TRAPPC8: variants seen among roughly 807,000 people sequenced by gnomAD.
The protein encoded by TRAPPC8 is trafficking protein particle complex subunit 8, also known as general sporulation gene 1 homolog.
In TRAPPC8, 54 loss-of-function variants were observed where a neutral mutation model predicts 174.3. The ratio of observed to expected loss-of-function variants is 0.31; its 90% CI spans 0.25 to 0.39. The LOEUF is 0.39. Ranked by LOEUF, TRAPPC8 falls within the 10% of genes least tolerant of loss-of-function variation. The probability of loss-of-function intolerance (pLI) is 1.00; values close to 1 mark genes in which losing one functional copy is unlikely to be tolerated. For missense variants in TRAPPC8, 1,531 were observed against 1,699.1 expected (o/e 0.90, Z 1.74); for synonymous variants, 630 against 579.9 (o/e 1.09, Z -1.24).
chr18:31,913,427 T>C lies in TRAPPC8; in HGVS notation c.713A>G (p.Asp238Gly). The C allele has an allele frequency of 1.2e-6, 2 of 1,611,184 alleles. No homozygotes were observed. Among genetic ancestry groups the C allele is most frequent in the Non-Finnish European group, 1.7e-6 (2 of 1,179,256 alleles). ...INSRTSNRAS[D>G]EQIPDPWSQY... ...ACTCCAAGGATCTGGTATCTGTTCATCTGATGCTCGATTAGATGTTCGAGA... is the reference window on the plus strand; with the variant it reads ...ACTCCAAGGATCTGGTATCTGTTCACCTGATGCTCGATTAGATGTTCGAGA... The change falls in exon 5 of 29, where the codon GAT (aspartate) becomes GGT (glycine). Residue 238 changes from aspartate (D) to glycine (G), a missense_variant. Asp to Gly is a moderately conservative substitution (Grantham distance 94, BLOSUM62 -1). Coordinates refer to ENST00000283351, the MANE Select transcript of TRAPPC8 (RefSeq NM_014939.5).
intron 11 of TRAPPC8, among the ~76,000 whole-genome samples, chr18:31,894,090 G>A (rs1481506890): frequency 1.3e-5 from 2 of 152,170 alleles, no homozygotes; most frequent in African/African-American, 4.8e-5. Context: ...GGAAGTCCAT[G>A]GCCTTCCATG....
chr18:31,898,295 G>C (rs1050933233), intron 10 of TRAPPC8, among the ~76,000 whole-genome samples: 14 of 151,784 alleles, frequency 9.2e-5, no homozygotes, highest in Admixed American at 5.9e-4. Context: ...CAGATACATA[G>C]GGCTGACTGT....
chr18:31,913,588 T>A, intron 4 of TRAPPC8, 66 bp from the exon 5 acceptor site: 1 of 1,225,430 alleles, frequency 8.2e-7, no homozygotes, highest in Non-Finnish European at 1.1e-6. Flanking sequence ...TAATAGAGAC[T>A]AAAGTAGTAC....
At chr18:31,865,522 A>C (rs2145162961) in intron 18 of TRAPPC8, among the ~76,000 whole-genome samples, 1 of 152,138 alleles carries the variant, frequency 6.6e-6, no homozygotes, top group Admixed American at 6.5e-5. Context: ...CATAATAATG[A>C]GCTATACTAA....
At chr18:31,858,057 AC>A in intron 19 of TRAPPC8, 75 bp from the exon 20 acceptor site, 2 of 1,187,310 alleles carry the variant, frequency 1.7e-6, no homozygotes, top group Non-Finnish European at 2.3e-6. Context: ...ACTTTAAGAC[AC>A]TTTTTTTTTT....
At chr18:31,867,352 T>C in intron 17 of TRAPPC8, 50 bp downstream of exon 17, 1 of 1,291,314 alleles carries the variant, frequency 7.7e-7, no homozygotes, top group Admixed American at 2.1e-5. Context: ...AAATTTGTTT[T>C]CACCTTACTT....
At chr18:31,913,679 T>C (rs2037012532) in intron 4 of TRAPPC8, among the ~76,000 whole-genome samples, 157 bp from the exon 5 acceptor site, 1 of 152,182 alleles carries the variant, frequency 6.6e-6, no homozygotes, top group Non-Finnish European at 1.5e-5. Flanking sequence ...ATTATCCTTC[T>C]AGAAAATTAG....
chr18:31,929,131 G>A (rs567146550), intron 2 of TRAPPC8, among the ~76,000 whole-genome samples: 4 of 151,212 alleles, frequency 2.6e-5, no homozygotes, highest in Middle Eastern at 3.4e-3. Flanking sequence ...TCAGTGAGCC[G>A]AGATCATGCC....
chr18:31,846,600 A>G, intron 26 of TRAPPC8, 116 bp downstream of exon 26: 1 of 835,186 alleles, frequency 1.2e-6, no homozygotes, highest in Non-Finnish European at 1.9e-6. Context: ...AAAAACCAAA[A>G]AACAAAACCT....
At chr18:31,889,608 T>G (rs2035869737) in intron 12 of TRAPPC8, among the ~76,000 whole-genome samples, 1 of 147,110 alleles carries the variant, frequency 6.8e-6, no homozygotes, top group Non-Finnish European at 1.5e-5. Context: ...CCATGAAAAG[T>G]AGTAATAGTT....
chr18:31,866,765 G>C, intron 18 of TRAPPC8, 84 bp downstream of exon 18: 1 of 1,488,376 alleles, frequency 6.7e-7, no homozygotes, highest in Non-Finnish European at 9.0e-7. Flanking sequence ...AACCTATTTA[G>C]AAAATACATC....
At chr18:31,874,178 A>G in intron 13 of TRAPPC8, 1 of 414,966 alleles carries the variant, frequency 2.4e-6, no homozygotes. Flanking sequence ...ATCAGTTGTG[A>G]GTCTATAAAA....
At chr18:31,904,527 T>G (rs1346127859) in intron 9 of TRAPPC8, among the ~76,000 whole-genome samples, 2 of 152,166 alleles carry the variant, frequency 1.3e-5, no homozygotes, top group African/African-American at 4.8e-5. Flanking sequence ...CAACATTTTT[T>G]AAAATAGAAG....
intron 2 of TRAPPC8, among the ~76,000 whole-genome samples, chr18:31,921,391 A>AT (rs2145570511): frequency 6.6e-6 from 1 of 152,262 alleles, no homozygotes; most frequent in East Asian, 1.9e-4. Flanking sequence ...AGGCAGGCGG[A>AT]TTACCTGAGG....
Position 31,880,093 on chromosome 18 carries a change from AT to A in TRAPPC8, c.1729-5390del, listed in dbSNP as rs60646926. The stretch of plus-strand genomic sequence containing the variant: ...TACTGAAACTATTGAAAAAAAAAAT[AT>A]ATATATATATATATATATATATATA... On this transcript the variant is annotated intron_variant, in intron 12 of 28. Transcript: ENST00000283351. Among the ~76,000 whole-genome samples, 375 of 63,276 alleles carry A rather than the reference AT, an allele frequency of 5.9e-3. 3 individuals are homozygous for A. The highest frequency in any genetic ancestry group is 0.027 in the South Asian group (37 of 1,364). The allele number at this position is 63,276 out of a possible 152,430, so 41.5% of individuals were successfully genotyped here.
At chr18:31,906,919 C>G (rs11081724) in intron 9 of TRAPPC8, among the ~76,000 whole-genome samples, 38,221 of 151,890 alleles carry the variant, frequency 0.25, 5,366 homozygotes, top group South Asian at 0.52. Flanking sequence ...TGTCTCACAC[C>G]AAAGTACATG....
chr18:31,853,019 T>A (rs2145065825), intron 22 of TRAPPC8: 1 of 238,148 alleles, frequency 4.2e-6, no homozygotes, highest in Non-Finnish European at 8.2e-6. Flanking sequence ...TATGCATGAT[T>A]TATACCAACA....
chr18:31,832,742 T>C (rs1364647844), intron 27 of TRAPPC8: 2 of 152,018 alleles, frequency 1.3e-5, no homozygotes, highest in Admixed American at 6.6e-5. Flanking sequence ...TACTAAAGCA[T>C]AGGAAAAAAG....
intron 12 of TRAPPC8, among the ~76,000 whole-genome samples, chr18:31,879,324 C>T (rs772868902): frequency 2.8e-4 from 43 of 152,168 alleles, no homozygotes; most frequent in African/African-American, 8.9e-4. Context: ...CCAGGAGGAA[C>T]GCTCAAAACC....
Sources: gnomAD v4.1 joint callset for allele counts (sites outside exome capture counted in the v4.1 genomes callset) on GRCh38, gnomAD v4.1.1 for gene constraint, MANE v1.5 for transcripts, NCBI Gene and HGNC (gene_info 2026-07-23, HGNC 2026-07-21) for gene names.